The following SHANK2 variants were observed in gnomAD, a reference collection of about 807,000 sequenced individuals.
SHANK2 encodes SH3 and multiple ankyrin repeat domains protein 2.
Under a neutral mutation model 133.7 loss-of-function variants are expected in SHANK2, and 43 were observed. The observed-to-expected ratio is 0.32, with a 90% CI of 0.25 to 0.41. SHANK2 has a LOEUF of 0.41. Among genes scored for constraint, SHANK2 ranks in the 10% least tolerant of loss-of-function variants. SHANK2 has a pLI of 1.00. For missense variants in SHANK2, 1,994 were observed against 2,235.8 expected, an observed-to-expected ratio of 0.89 and a Z score of 2.18; for synonymous variants, 1,017 against 952.8, an observed-to-expected ratio of 1.07 and a Z score of -1.24.
At chr11:70,616,962 G>C (rs2060751952) in intron 17 of SHANK2, among the ~76,000 whole-genome samples, 1 of 152,252 alleles carries the variant, frequency 6.6e-6, no homozygotes, top group African/African-American at 2.4e-5. Context: ...GTGTGTATGT[G>C]TGTGAGACAG....
chr11:71,095,641 C>T (rs1314066662), intron 6 of SHANK2, among the ~76,000 whole-genome samples: 1 of 152,232 alleles, frequency 6.6e-6, no homozygotes, highest in African/African-American at 2.4e-5. Flanking sequence ...CCCCTCACCC[C>T]ATCCCATCCC....
At chr11:70,845,215 A>AAAAAG (rs1565356951) in intron 11 of SHANK2, among the ~76,000 whole-genome samples, 51 of 149,330 alleles carry the variant, frequency 3.4e-4, no homozygotes, top group African/African-American at 1.2e-3. Context: ...AAAAAAAAAA[A>AAAAAG]AAAAGAAAAA....
At chr11:71,158,259 A>C (rs1210648564) in intron 2 of SHANK2, among the ~76,000 whole-genome samples, 3 of 152,250 alleles carry the variant, frequency 2.0e-5, no homozygotes, top group Non-Finnish European at 4.4e-5. Flanking sequence ...CTAGTTAAAA[A>C]AAAGTCCAGC....
chr11:70,545,101 G>A (rs1591560073), intron 17 of SHANK2, among the ~76,000 whole-genome samples: 2 of 152,172 alleles, frequency 1.3e-5, no homozygotes, highest in South Asian at 4.1e-4. Context: ...TGGGGCCTGG[G>A]AGGGGTTGCG....
At chr11:70,606,204 T>C (rs554634333) in intron 17 of SHANK2, among the ~76,000 whole-genome samples, 27 of 152,206 alleles carry the variant, frequency 1.8e-4, no homozygotes, top group African/African-American at 5.5e-4. Flanking sequence ...TCTGGCTCCA[T>C]TGCCCATCCT....
chr11:70,797,772 C>T (rs1303241419), intron 14 of SHANK2, among the ~76,000 whole-genome samples: 9 of 152,144 alleles, frequency 5.9e-5, no homozygotes, highest in Middle Eastern at 3.4e-3. Flanking sequence ...AGATGCCGTT[C>T]ACATGCGGAC....
rs190765442 is a variant in SHANK2, at chr11:71,104,987, T to C, written c.592+4954A>G. Among the ~76,000 whole-genome samples, 184 of 152,336 alleles carry C rather than the reference T, an allele frequency of 1.2e-3. 1 individual carries two copies. Among genetic ancestry groups the C allele is most frequent in the Non-Finnish European group, 2.0e-3 (139 of 68,026 alleles). On this transcript the variant is annotated intron_variant, in intron 6 of 25. Transcript: ENST00000601538. ...GGCCTTACAAAAAAATGCCACTGTG[T>C]ATGATCGCTGTTAGTTTGATCTGTA...
chr11:70,616,545 G>A (rs1369384008), intron 17 of SHANK2, among the ~76,000 whole-genome samples: 1 of 152,210 alleles, frequency 6.6e-6, no homozygotes, highest in Admixed American at 6.5e-5. Flanking sequence ...GGCAGGGCCA[G>A]GCCACGAGGA....
intron 17 of SHANK2, among the ~76,000 whole-genome samples, chr11:70,537,876 G>A (rs1663644119): frequency 6.6e-6 from 1 of 152,174 alleles, no homozygotes; most frequent in South Asian, 2.1e-4. Context: ...AGAGGCCCGT[G>A]GGGGGTCTTC....
At chr11:70,501,900 G>C in intron 20 of SHANK2, 23 bp downstream of exon 20, 8 of 1,559,380 alleles carry the variant, frequency 5.1e-6, no homozygotes, top group Non-Finnish European at 7.0e-6. Flanking sequence ...GAGCTGCTTT[G>C]GGGACCCAGT....
rs782107367 is a variant in SHANK2 at position 70,729,206 on chromosome 11, TA to T, written c.1778-30444del. Among the ~76,000 whole-genome samples, 348 of 131,514 alleles carry T rather than the reference TA, an allele frequency of 2.6e-3. 1 individual carries two copies. Among genetic ancestry groups the T allele is most frequent in the Admixed American group, 7.2e-3 (95 of 13,234 alleles). 86.3% of individuals were successfully genotyped at this position (131,514 alleles called of 152,430 possible). On this transcript the variant is annotated intron_variant, in intron 14 of 25. Transcript: ENST00000601538. ...AGCAAGAATTCATCTAAAAAAAAATTAAAAAAAAAAAAAGAAGAAAGAAAGA... is the reference window on the plus strand; with the variant it reads ...AGCAAGAATTCATCTAAAAAAAAATTAAAAAAAAAAAAGAAGAAAGAAAGA...
At position 70,469,847 on chromosome 11, in the gene SHANK2, A is replaced by ATTAAC. The variant is rs869200005; in HGVS notation, c.*3017_*3021dup. ...ATTGAGTAATTTTTATATTATGTGA[A>ATTAAC]TTAACTTAAAATGTGCGCAGACACC... On this transcript the variant is annotated 3_prime_UTR_variant, in exon 26 of 26. Transcript: ENST00000601538. The ATTAAC allele has an allele frequency of 6.5e-6, 1 of 152,672 alleles. No homozygotes were observed. Among genetic ancestry groups the ATTAAC allele is most frequent in the Non-Finnish European group, 1.5e-5 (1 of 68,040 alleles). 9.5% of individuals were successfully genotyped at this position (152,672 alleles called of 1,614,324 possible).
chr11:71,088,264 G>A (rs1951445668), intron 8 of SHANK2, among the ~76,000 whole-genome samples: 1 of 152,096 alleles, frequency 6.6e-6, no homozygotes, highest in African/African-American at 2.4e-5. Context: ...ACCACTGCAT[G>A]AGCCAATTCT....
chr11:70,673,503 G>A (rs1944854043), intron 15 of SHANK2, among the ~76,000 whole-genome samples: 1 of 152,220 alleles, frequency 6.6e-6, no homozygotes, highest in African/African-American at 2.4e-5. Context: ...AAGTTCCCAA[G>A]TCCCTCTGGT....
intron 21 of SHANK2, among the ~76,000 whole-genome samples, chr11:70,496,105 G>C (rs2058966663): frequency 6.6e-6 from 1 of 152,120 alleles, no homozygotes; most frequent in Non-Finnish European, 1.5e-5. Flanking sequence ...GGACGGCCGA[G>C]GCCCTGCAGG....
chr11:70,787,945 C>G (rs529110083), intron 14 of SHANK2, among the ~76,000 whole-genome samples: 5 of 152,184 alleles, frequency 3.3e-5, no homozygotes, highest in Non-Finnish European at 5.9e-5. Context: ...CAAGTTTACT[C>G]TGAGGATCAC....
At chr11:71,209,581 T>C (rs1954208661) in intron 2 of SHANK2, among the ~76,000 whole-genome samples, 1 of 152,198 alleles carries the variant, frequency 6.6e-6, no homozygotes, top group South Asian at 2.1e-4. Context: ...CTCCTCACTC[T>C]TGACTCAGTG....
At chr11:71,251,287 C>A (rs1397938279) in intron 1 of SHANK2, among the ~76,000 whole-genome samples, 4 of 152,226 alleles carry the variant, frequency 2.6e-5, no homozygotes, top group Non-Finnish European at 5.9e-5. Flanking sequence ...GGTGTCCGCA[C>A]GCAGACCCGC....
chr11:70,601,324 A>G (rs992495384), intron 17 of SHANK2, among the ~76,000 whole-genome samples: 1 of 151,716 alleles, frequency 6.6e-6, no homozygotes, highest in African/African-American at 2.4e-5. Flanking sequence ...GATTCAAGTG[A>G]TTCTCCTGCC....
Sources: allele counts gnomAD v4.1 joint callset (sites outside exome capture counted in the v4.1 genomes callset), GRCh38; gene constraint gnomAD v4.1.1; transcripts MANE v1.5; gene names NCBI Gene and HGNC (gene_info 2026-07-23, HGNC 2026-07-21).